The following POLI variants were observed in gnomAD, a reference collection of about 807,000 sequenced individuals.
The protein encoded by POLI is RAD30 homolog B.
A neutral mutation model predicts 51.6 loss-of-function variants in POLI; 58 were observed. That is an observed-to-expected ratio of 1.12 (90% CI 0.91 to 1.40). POLI has a LOEUF of 1.40. POLI is among the 40% of genes most tolerant of loss of function. The pLI, the probability that POLI is intolerant of heterozygous loss-of-function variation, is 0.00. For missense variants in POLI, 921 were observed against 871.3 expected (o/e 1.06, Z -0.72); for synonymous variants, 322 against 299.7 (o/e 1.07, Z -0.77).
At chr18:54,288,771 T>TA (rs3730782) in intron 8 of POLI, among the ~76,000 whole-genome samples, 1,989 of 152,308 alleles carry the variant, frequency 0.013, 20 homozygotes, top group South Asian at 0.044. Flanking sequence ...CTGTACTTTT[T>TA]AACTCTAGAA....
intron 3 of POLI, chr18:54,275,081 A>G (rs2087178977): frequency 6.6e-6 from 1 of 152,242 alleles, no homozygotes; most frequent in Non-Finnish European, 1.5e-5. Flanking sequence ...CAATGTGAGA[A>G]AAAAGTATCA....
chr18:54,277,154 C>G (rs981920283), intron 3 of POLI, among the ~76,000 whole-genome samples: 25 of 152,166 alleles, frequency 1.6e-4, no homozygotes, highest in African/African-American at 5.1e-4. Flanking sequence ...CTCTGCCTCT[C>G]TGTCCTAAGG....
intron 5 of POLI, 131 bp from the exon 6 acceptor site, chr18:54,282,706 T>C: frequency 1.7e-6 from 1 of 578,922 alleles, no homozygotes; most frequent in East Asian, 2.9e-5. Flanking sequence ...ATGTATCCCC[T>C]GTGGATAAGG....
downstream of POLI, among the ~76,000 whole-genome samples, chr18:54,298,858 A>G (rs1175252052): frequency 6.6e-6 from 1 of 152,046 alleles, no homozygotes; most frequent in Non-Finnish European, 1.5e-5. Flanking sequence ...AAGTGCTGAG[A>G]TACAGGTGTG....
At chr18:54,293,521 G>A (rs749599303) in intron 9 of POLI, 128 bp from the exon 10 acceptor site, 84 of 622,042 alleles carry the variant, frequency 1.4e-4, no homozygotes, top group Non-Finnish European at 1.6e-4. Context: ...TTTGGAACTG[G>A]CCACAAAGAG....
At chr18:54,289,328 C>T (rs898514580) in intron 8 of POLI, among the ~76,000 whole-genome samples, 9 of 151,880 alleles carry the variant, frequency 5.9e-5, no homozygotes, top group Admixed American at 2.0e-4. Flanking sequence ...GTCTGGAAGC[C>T]GTCTACCTCT....
chr18:54,301,149 G>A (rs775656753), downstream of POLI, among the ~76,000 whole-genome samples: 14 of 151,920 alleles, frequency 9.2e-5, no homozygotes, highest in Non-Finnish European at 1.5e-4. Context: ...CGTGGTGGCG[G>A]GCACCTGTAA....
intron 3 of POLI, among the ~76,000 whole-genome samples, chr18:54,304,282 G>A (rs1292048294): frequency 6.6e-6 from 1 of 152,128 alleles, no homozygotes; most frequent in African/African-American, 2.4e-5. Context: ...ACCCAGTAAT[G>A]GGATTGCTGG....
rs112132998 is a variant in POLI, at chr18:54,276,602, C to T, written c.407-1101C>T. On this transcript the variant is annotated intron_variant, in intron 3 of 9. Coordinates refer to ENST00000579534, the MANE Select transcript of POLI (RefSeq NM_007195.3). ...GTATATACTTTTGAAAATAAATTGC[C>T]GAAATTGATGAAGGAAATGCAAAAC... 4.5e-3 allele frequency among the ~76,000 whole-genome samples: 680 copies of T among 152,134 alleles called. 13 individuals are homozygous for T. Among genetic ancestry groups the T allele is most frequent in the Non-Finnish European group, 5.3e-3 (361 of 68,004 alleles).
chr18:54,294,500 G>A lies in POLI; in HGVS notation c.*33G>A. ...CAGCAAAAAGGTCTGAAAAGCAAGGGAATACCATTATTTTCGGATTAGCGG... is the reference window on the plus strand; with the variant it reads ...CAGCAAAAAGGTCTGAAAAGCAAGGAAATACCATTATTTTCGGATTAGCGG... On this transcript the variant is annotated 3_prime_UTR_variant, in exon 10 of 10. Transcript: ENST00000579534. 2 of 1,538,636 alleles carry A rather than the reference G, an allele frequency of 1.3e-6. No individual in the cohort carries two copies. The highest frequency in any genetic ancestry group is 1.7e-6 in the Non-Finnish European group (2 of 1,148,782).
In POLI at chr18:54,293,793, G is replaced by T; in HGVS notation, c.1549G>T (p.Glu517Ter). The T allele has an allele frequency of 6.2e-7, 1 of 1,606,816 alleles. No individual in the cohort carries two copies. The highest frequency in any genetic ancestry group is 8.5e-7 in the Non-Finnish European group (1 of 1,176,022). ...TNFSKEKDINEFPLCSLPEGV... is the reference protein window; with the variant it reads ...TNFSKEKDIN ...TTTTTCTAAAGAAAAAGACATTAAT[G>T]AATTCCCACTCTGTTCACTTCCTGA... Residue 517 changes from glutamate (E) to a stop codon, truncating the protein, a stop_gained, in exon 10 of 10, where the codon GAA becomes TAA. Transcript: ENST00000579534. LOFTEE classifies it low-confidence loss of function (END_TRUNC).
rs200852409 is a variant in POLI at position 54,287,382 on chromosome 18, C to G, written c.1169C>G (p.Pro390Arg). 2.0e-4 allele frequency: 318 copies of G among 1,607,382 alleles called. No homozygotes were observed. The highest frequency in any genetic ancestry group is 3.3e-4 in the Middle Eastern group (2 of 6,044). ...YGRESRQCPI[P>R]SHVIQKLGTG... ...CGTGAGAGTCGTCAGTGCCCTATTC[C>G]TTCACATGTAATTCAGAAATTAGGG... is the stretch of plus-strand genomic sequence containing the variant. The change falls in exon 8 of 10, where the codon CCT becomes CGT. Residue 390 changes from proline (P) to arginine (R), a missense_variant. Pro to Arg is a moderately radical substitution (Grantham distance 103). Transcript: ENST00000579534.
At chr18:54,316,754 GA>G (rs2088738484) in intron 3 of POLI, among the ~76,000 whole-genome samples, 1 of 151,660 alleles carries the variant, frequency 6.6e-6, no homozygotes. Flanking sequence ...TTGGTAAAAG[GA>G]AAAAAAAGCT....
Position 54,295,682 on chromosome 18 carries a change from C to T in POLI, c.*1215C>T. On this transcript the variant is annotated 3_prime_UTR_variant, in exon 10 of 10. Transcript: ENST00000579534. ...TCACTCTGTCGCCCAGGGTGGAGTA[C>T]AGTGGCGCAATCCCAGCTCACTACA... The T allele has an allele frequency of 3.4e-6, 1 of 294,346 alleles. No individual in the cohort carries two copies. The allele number at this position is 294,346 out of a possible 1,614,324, so 18.2% of individuals were successfully genotyped here.
chr18:54,271,197 A>G, intron 1 of POLI, 163 bp from the exon 2 acceptor site: 1 of 536,678 alleles, frequency 1.9e-6, no homozygotes, highest in Middle Eastern at 2.8e-4. Context: ...CCCTAAGTGG[A>G]GTTTCATGTC....
At chr18:54,277,203 A>G (rs763345900) in intron 3 of POLI, among the ~76,000 whole-genome samples, 9 of 152,206 alleles carry the variant, frequency 5.9e-5, no homozygotes, top group Non-Finnish European at 1.3e-4. Flanking sequence ...ACCACGTTAT[A>G]GTATATTTTG....
chr18:54,317,063 T>G (rs1345834872), intron 3 of POLI, among the ~76,000 whole-genome samples: 1 of 152,210 alleles, frequency 6.6e-6, no homozygotes, highest in Admixed American at 6.5e-5. Flanking sequence ...AAATGATCAT[T>G]TTTGGAAACT....
chr18:54,312,816 T>G (rs916990681), intron 3 of POLI, among the ~76,000 whole-genome samples: 1 of 152,072 alleles, frequency 6.6e-6, no homozygotes, highest in Non-Finnish European at 1.5e-5. Flanking sequence ...GTTGTTTGCT[T>G]GTTGATTTAA....
chr18:54,270,874 C>T, intron 1 of POLI: 1 of 152,748 alleles, frequency 6.5e-6, no homozygotes, highest in Non-Finnish European at 1.5e-5. Context: ...ATCCTGCTGC[C>T]ATGGGAGCTA....
Sources: gnomAD v4.1 joint callset for allele counts (sites outside exome capture counted in the v4.1 genomes callset) on GRCh38, gnomAD v4.1.1 for gene constraint, MANE v1.5 for transcripts, NCBI Gene and HGNC (gene_info 2026-07-23, HGNC 2026-07-21) for gene names.